ASXL3: variants seen among roughly 807,000 people sequenced by gnomAD.
ASXL3 encodes the protein ASXL transcriptional regulator 3.
A neutral mutation model predicts 170.6 loss-of-function variants in ASXL3; 34 were observed. The ratio of observed to expected loss-of-function variants is 0.20; its 90% CI spans 0.15 to 0.27. The LOEUF (loss-of-function observed/expected upper bound fraction) is 0.27. Among genes scored for constraint, ASXL3 ranks in the 10% least tolerant of loss-of-function variants. The pLI, the probability that ASXL3 is intolerant of heterozygous loss-of-function variation, is 1.00. For synonymous variants in ASXL3, 1,002 were observed against 989.1 expected, an observed-to-expected ratio of 1.01 and a Z score of -0.24; for missense variants, 2,592 against 2,695.3, an observed-to-expected ratio of 0.96 and a Z score of 0.85.
Position 33,738,474 on chromosome 18 carries a change from A to G in ASXL3, c.1083-13A>G. ...TGTGGTTGAGCAATAATTTATTTCT[A>G]ATTTCTGTACAGGCTGGGCATGTCA... On this transcript the variant is annotated splice_polypyrimidine_tract_variant and intron_variant, in intron 10 of 11. Coordinates refer to ENST00000269197, the MANE Select transcript of ASXL3 (RefSeq NM_030632.3). 1 of 1,573,220 alleles carries G rather than the reference A, an allele frequency of 6.4e-7. No individual in the cohort carries two copies. The highest frequency in any genetic ancestry group is 2.3e-5 in the East Asian group (1 of 44,336).
chr18:33,645,194 G>A (rs1184266852), intron 3 of ASXL3, among the ~76,000 whole-genome samples, 192 bp downstream of exon 3: 3 of 151,892 alleles, frequency 2.0e-5, no homozygotes, highest in East Asian at 1.9e-4. Context: ...CATATCTGTG[G>A]TTTCACTCCG....
chr18:33,665,587 TG>T (rs2066244121), intron 5 of ASXL3, among the ~76,000 whole-genome samples: 1 of 152,210 alleles, frequency 6.6e-6, no homozygotes, highest in Admixed American at 6.5e-5. Context: ...TGTGTTTTTT[TG>T]TTGTTAAAAT....
chr18:33,719,100 A>G (rs1388550592), intron 8 of ASXL3, among the ~76,000 whole-genome samples: 1 of 152,106 alleles, frequency 6.6e-6, no homozygotes, highest in East Asian at 1.9e-4. Context: ...CTTGTTAGCT[A>G]AGAATATCCA....
chr18:33,658,869 A>G (rs2066126352), intron 4 of ASXL3, among the ~76,000 whole-genome samples: 1 of 152,110 alleles, frequency 6.6e-6, no homozygotes, highest in Non-Finnish European at 1.5e-5. Flanking sequence ...AACAAACTGC[A>G]TGGTATTCCT....
chr18:33,599,562 T>C (rs994000406), intron 1 of ASXL3, among the ~76,000 whole-genome samples: 1 of 152,092 alleles, frequency 6.6e-6, no homozygotes, highest in Non-Finnish European at 1.5e-5. Context: ...AACCGAGCAA[T>C]TGGAAAACAA....
Position 33,747,271 on chromosome 18 carries a change from A to G in ASXL3, c.*676A>G, listed in dbSNP as rs1414836927. Reference sequence around the variant, plus strand: ...CACATATTGTAGTGAAATGTGTCCTACATCTGAAATTGCATGGGACTCATG... The same window carrying G: ...CACATATTGTAGTGAAATGTGTCCTGCATCTGAAATTGCATGGGACTCATG... On this transcript the variant is annotated 3_prime_UTR_variant, in exon 12 of 12. Transcript: ENST00000269197. 1 of 152,168 alleles carries G rather than the reference A, an allele frequency of 6.6e-6. No homozygotes were observed. Among genetic ancestry groups the G allele is most frequent in the Non-Finnish European group, 1.5e-5 (1 of 68,028 alleles). The allele number at this position is 152,168 out of a possible 1,614,324, so 9.4% of individuals were successfully genotyped here.
intron 1 of ASXL3, among the ~76,000 whole-genome samples, chr18:33,594,455 C>T (rs2065107129): frequency 6.6e-6 from 1 of 152,146 alleles, no homozygotes; most frequent in African/African-American, 2.4e-5. Flanking sequence ...GCAACAGGGA[C>T]TATCTGATTT....
At chr18:33,635,483 A>G (rs2065750465) in intron 2 of ASXL3, among the ~76,000 whole-genome samples, 1 of 152,098 alleles carries the variant, frequency 6.6e-6, no homozygotes, top group Non-Finnish European at 1.5e-5. Flanking sequence ...GGCACCAGCT[A>G]TTCTCTTTTG....
Position 33,743,869 on chromosome 18 carries a change from G to A in ASXL3, c.4021G>A (p.Val1341Met). The A allele has an allele frequency of 5.6e-6, 9 of 1,613,988 alleles. No individual in the cohort carries two copies. The highest frequency in any genetic ancestry group is 6.8e-6 in the Non-Finnish European group (8 of 1,179,896). ...CTTAGTCTCCACTCAGTACACCTCT[G>A]TGCCAACTCCCTCCATCGGAAACAA... ...SNLVSTQYTSVPTPSIGNNLP... is the reference protein window; with the variant it reads ...SNLVSTQYTSMPTPSIGNNLP... Residue 1341 changes from valine to methionine, a missense_variant, in exon 12 of 12, where the codon GTG becomes ATG. Transcript: ENST00000269197.
At chr18:33,684,126 A>G (rs2145287238) in intron 8 of ASXL3, among the ~76,000 whole-genome samples, 1 of 152,328 alleles carries the variant, frequency 6.6e-6, no homozygotes, top group African/African-American at 2.4e-5. Flanking sequence ...GGAAATACAA[A>G]TATAGACCCA....
chr18:33,674,401 G>C (rs2066392766), intron 7 of ASXL3, among the ~76,000 whole-genome samples: 1 of 152,170 alleles, frequency 6.6e-6, no homozygotes, highest in South Asian at 2.1e-4. Flanking sequence ...TAAGCCAGTT[G>C]AAGTACAATT....
chr18:33,709,917 TG>T (rs2067027069), intron 8 of ASXL3, among the ~76,000 whole-genome samples: 1 of 152,184 alleles, frequency 6.6e-6, no homozygotes, highest in South Asian at 2.1e-4. Flanking sequence ...ACTCCCACCA[TG>T]ACCCCTAGCT....
At position 33,668,548 on chromosome 18, in the gene ASXL3, G is replaced by T. The variant is rs190463621; in HGVS notation, c.478-2125G>T. Among the ~76,000 whole-genome samples the T allele has an allele frequency of 3.2e-3, 492 of 152,130 alleles. 1 individual carries two copies. The highest frequency in any genetic ancestry group is 0.01 in the Middle Eastern group (3 of 292). On this transcript the variant is annotated intron_variant, in intron 5 of 11. Transcript: ENST00000269197. The stretch of plus-strand genomic sequence containing the variant: ...AAATATTGTACTAAGAAATAGTCAG[G>T]TTGTCTGATCAGGAGACATATATTC...
intron 8 of ASXL3, among the ~76,000 whole-genome samples, chr18:33,690,527 A>G (rs2066670956): frequency 6.6e-6 from 1 of 152,188 alleles, no homozygotes; most frequent in Non-Finnish European, 1.5e-5. Context: ...AACATAACAC[A>G]GTTTATATCT....
At chr18:33,692,570 GT>G (rs2145307462) in intron 8 of ASXL3, among the ~76,000 whole-genome samples, 1 of 152,226 alleles carries the variant, frequency 6.6e-6, no homozygotes, top group Non-Finnish European at 1.5e-5. Context: ...TTCTTTAGTT[GT>G]TTCTTGTCTT....
chr18:33,670,826 C>A, intron 6 of ASXL3, 36 bp downstream of exon 6: 1 of 1,369,210 alleles, frequency 7.3e-7, no homozygotes, highest in Non-Finnish European at 9.9e-7. Flanking sequence ...TGGCCAGTTT[C>A]TTCCTGGAGG....
intron 7 of ASXL3, among the ~76,000 whole-genome samples, chr18:33,682,976 G>C (rs1354246202): frequency 6.6e-6 from 1 of 152,080 alleles, no homozygotes; most frequent in East Asian, 1.9e-4. Flanking sequence ...AGCTATTTTT[G>C]CTATCAGTAT....
At chr18:33,640,678 A>T (rs1290312499) in intron 2 of ASXL3, among the ~76,000 whole-genome samples, 1 of 152,120 alleles carries the variant, frequency 6.6e-6, no homozygotes, top group East Asian at 1.9e-4. Flanking sequence ...AGACCCACCT[A>T]ACTTACTCTT....
At chr18:33,590,321 A>G (rs1322563046) in intron 1 of ASXL3, among the ~76,000 whole-genome samples, 1 of 151,954 alleles carries the variant, frequency 6.6e-6, no homozygotes, top group Non-Finnish European at 1.5e-5. Flanking sequence ...ATGCCAAAGA[A>G]GATTTTACTT....
Sources: allele counts gnomAD v4.1 joint callset (sites outside exome capture counted in the v4.1 genomes callset), GRCh38; gene constraint gnomAD v4.1.1; transcripts MANE v1.5; gene names NCBI Gene and HGNC (gene_info 2026-07-23, HGNC 2026-07-21).